The following TAOK1 variants were observed in gnomAD, a reference collection of about 807,000 sequenced individuals.
TAOK1 encodes the protein serine/threonine-protein kinase TAO1.
Under a neutral mutation model 138.3 loss-of-function variants are expected in TAOK1, and 21 were observed. The ratio of observed to expected loss-of-function variants is 0.15; its 90% CI spans 0.11 to 0.22. TAOK1 has a LOEUF of 0.22. Among genes scored for constraint, TAOK1 ranks in the 10% least tolerant of loss-of-function variants. The pLI, the probability that TAOK1 is intolerant of heterozygous loss-of-function variation, is 1.00. For synonymous variants in TAOK1, 361 were observed against 398.4 expected (o/e 0.91, Z 1.12); for missense variants, 651 against 1,227.7 (o/e 0.53, Z 7.02).
intron 6 of TAOK1, chr17:29,480,123 A>G: frequency 3.7e-6 from 1 of 268,548 alleles, no homozygotes; most frequent in Non-Finnish European, 6.9e-6. Context: ...CAATGAACTA[A>G]TTTTTTTTTA....
rs748553265 is a variant in TAOK1 at position 29,530,550 on chromosome 17, G to T, written c.2292G>T (p.Gln764His). The change falls in exon 18 of 20, where the codon CAG becomes CAT. Residue 764 changes from glutamine to histidine, a missense_variant. Transcript: ENST00000261716. ...TTCTGAAACGGCTCAAGGAGGAACA[G>T]ACCCGGAAATTAGCTATCTTGGCTG... ...KAVLKRLKEE[Q>H]TRKLAILAEQ... is the part of the protein sequence containing the mutation. 6.2e-7 allele frequency: 1 copy of T among 1,614,166 alleles called. No individual in the cohort carries two copies.
At chr17:29,434,376 A>G (rs185540710) in intron 1 of TAOK1, among the ~76,000 whole-genome samples, 1 of 152,274 alleles carries the variant, frequency 6.6e-6, no homozygotes, top group Admixed American at 6.5e-5. Context: ...TTCAGGATGC[A>G]TTTGAAAGGG....
At chr17:29,490,650 CT>C (rs1330062359) in intron 9 of TAOK1, among the ~76,000 whole-genome samples, 1 of 152,146 alleles carries the variant, frequency 6.6e-6, no homozygotes, top group Non-Finnish European at 1.5e-5. Flanking sequence ...TAGAACGAAT[CT>C]TTTGACACTG....
At chr17:29,498,724 C>G (rs1393363287) in intron 12 of TAOK1, among the ~76,000 whole-genome samples, 1 of 152,078 alleles carries the variant, frequency 6.6e-6, no homozygotes, top group East Asian at 1.9e-4. Context: ...TCAAGACCAG[C>G]CTGGCCGACA....
At chr17:29,519,391 C>T (rs988050899) in intron 16 of TAOK1, among the ~76,000 whole-genome samples, 19 of 152,016 alleles carry the variant, frequency 1.2e-4, no homozygotes, top group East Asian at 1.9e-4. Flanking sequence ...AGGTGGCGGG[C>T]GCCTATAATT....
At chr17:29,449,664 A>C (rs142384983) in intron 1 of TAOK1, among the ~76,000 whole-genome samples, 1,633 of 152,020 alleles carry the variant, frequency 0.011, 35 homozygotes, top group African/African-American at 0.037. Context: ...AACATGGTGA[A>C]TCCCCATCTC....
intron 18 of TAOK1, among the ~76,000 whole-genome samples, chr17:29,531,803 G>C (rs1463782638): frequency 6.6e-6 from 1 of 151,004 alleles, no homozygotes; most frequent in Non-Finnish European, 1.5e-5. Flanking sequence ...TTTTAGGCAG[G>C]AGGCAAAACT....
At chr17:29,492,584 AGT>A (rs2031317037) in intron 10 of TAOK1, among the ~76,000 whole-genome samples, 1 of 149,058 alleles carries the variant, frequency 6.7e-6, no homozygotes, top group Admixed American at 6.7e-5. Flanking sequence ...CGAAGTCAGG[AGT>A]TCAAGACCAT....
intron 1 of TAOK1, among the ~76,000 whole-genome samples, chr17:29,396,613 A>C (rs572321123): frequency 7.5e-4 from 114 of 152,370 alleles, no homozygotes; most frequent in Non-Finnish European, 1.3e-3. Context: ...AAAGACATTC[A>C]AAGTTTAGTT....
At chr17:29,419,254 T>A (rs572884893) in intron 1 of TAOK1, among the ~76,000 whole-genome samples, 81 of 152,200 alleles carry the variant, frequency 5.3e-4, no homozygotes, top group African/African-American at 1.9e-3. Context: ...TGGAGTGCAA[T>A]GGCATGCTCT....
intron 1 of TAOK1, among the ~76,000 whole-genome samples, chr17:29,423,158 C>CT (rs35494186): frequency 5.2e-4 from 63 of 120,692 alleles, no homozygotes; most frequent in East Asian, 4.7e-3. Context: ...TTTGCTCTTC[C>CT]TTTTTTTTTT....
intron 2 of TAOK1, among the ~76,000 whole-genome samples, chr17:29,463,390 C>A (rs1255864152): frequency 6.6e-6 from 1 of 151,842 alleles, no homozygotes; most frequent in Non-Finnish European, 1.5e-5. Flanking sequence ...GCCAACGTGG[C>A]GAAACCCCAT....
chr17:29,468,134 A>ACTTTTTTTTTTTTTT (rs2030720265), intron 3 of TAOK1, among the ~76,000 whole-genome samples: 1 of 48,808 alleles, frequency 2.0e-5, no homozygotes, highest in Non-Finnish European at 3.4e-5. Flanking sequence ...GCCTGCTTTC[A>ACTTTTTTTTTTTTTT]ATTTTTTTTT....
intron 1 of TAOK1, among the ~76,000 whole-genome samples, chr17:29,405,865 T>C (rs575400560): frequency 3.9e-5 from 6 of 152,296 alleles, no homozygotes; most frequent in Admixed American, 2.6e-4. Context: ...GTATTTCTTA[T>C]ATTTTTTGAG....
intron 19 of TAOK1, among the ~76,000 whole-genome samples, chr17:29,536,646 T>G (rs972445546): frequency 1.3e-5 from 2 of 151,078 alleles, no homozygotes; most frequent in African/African-American, 4.9e-5. Flanking sequence ...AACATAAATC[T>G]TGAAAAATAT....
intron 8 of TAOK1, among the ~76,000 whole-genome samples, chr17:29,484,332 C>G (rs1037938387): frequency 2.0e-5 from 3 of 152,102 alleles, no homozygotes; most frequent in Non-Finnish European, 4.4e-5. Context: ...ATTTTACTTA[C>G]AAATGTTTTG....
chr17:29,406,592 A>G (rs1006076628), intron 1 of TAOK1, among the ~76,000 whole-genome samples: 6 of 152,100 alleles, frequency 3.9e-5, no homozygotes, highest in East Asian at 1.9e-4. Flanking sequence ...CAATGGCACA[A>G]TCACGGCTCA....
rs529258454 is a variant in TAOK1 at position 29,548,405 on chromosome 17, G to A, written c.*5383G>A. 1.6e-4 allele frequency: 24 copies of A among 151,584 alleles called. No homozygotes were observed. The highest frequency in any genetic ancestry group is 3.1e-4 in the Non-Finnish European group (21 of 67,854). The allele number at this position is 151,584 out of a possible 1,614,324, so 9.4% of individuals were successfully genotyped here. A position where few individuals can be genotyped will look rare whatever the true frequency, so the allele number is the denominator to read the frequency against. ...CTAAACTTTTTGAAGTTTCAGAGGT[G>A]TATTTTTTTTTTGTATATATGTCTG... On this transcript the variant is annotated 3_prime_UTR_variant, in exon 20 of 20. Transcript: ENST00000261716.
At chr17:29,530,700 T>A in intron 18 of TAOK1, 81 bp downstream of exon 18, 2 of 1,188,246 alleles carry the variant, frequency 1.7e-6, no homozygotes, top group Non-Finnish European at 2.5e-6. Context: ...GCAATTAAAG[T>A]ACTAGTTGGA....
Sources: gnomAD v4.1 joint callset for allele counts (sites outside exome capture counted in the v4.1 genomes callset) on GRCh38, gnomAD v4.1.1 for gene constraint, MANE v1.5 for transcripts, NCBI Gene and HGNC (gene_info 2026-07-23, HGNC 2026-07-21) for gene names.